The following GOLGB1 variants were observed in gnomAD, a reference collection of about 807,000 sequenced individuals.
The protein encoded by GOLGB1 is golgin B1.
Under a neutral mutation model 336.9 loss-of-function variants are expected in GOLGB1, and 174 were observed. The observed-to-expected ratio is 0.52, with a 90% CI of 0.46 to 0.59. The LOEUF (loss-of-function observed/expected upper bound fraction) is 0.59. Ranked by LOEUF, GOLGB1 falls within the 20% of genes least tolerant of loss-of-function variation. GOLGB1 has a pLI of 0.00. For synonymous variants in GOLGB1, 1,208 were observed against 1,289.2 expected, an observed-to-expected ratio of 0.94 and a Z score of 1.35; for missense variants, 3,331 against 3,645.3, an observed-to-expected ratio of 0.91 and a Z score of 2.22.
intron 15 of GOLGB1, among the ~76,000 whole-genome samples, chr3:121,679,272 A>C (rs1401588859): frequency 3.4e-4 from 52 of 152,216 alleles, no homozygotes; most frequent in Non-Finnish European, 4.4e-5. Context: ...TCCGCAATCC[A>C]AAACACTTCC....
chr3:121,701,768 AG>A (rs1943430611), intron 11 of GOLGB1, among the ~76,000 whole-genome samples: 1 of 152,122 alleles, frequency 6.6e-6, no homozygotes, highest in South Asian at 2.1e-4. Flanking sequence ...GGTAAAGCAA[AG>A]ATGGAAAAAA....
At chr3:121,675,718 T>G (rs1215134163) in intron 17 of GOLGB1, among the ~76,000 whole-genome samples, 1 of 152,238 alleles carries the variant, frequency 6.6e-6, no homozygotes. Flanking sequence ...GCTGTACTTA[T>G]GATTTGTTTA....
At chr3:121,717,360 C>T (rs561879113) in intron 8 of GOLGB1, among the ~76,000 whole-genome samples, 1 of 152,204 alleles carries the variant, frequency 6.6e-6, no homozygotes, top group African/African-American at 2.4e-5. Flanking sequence ...AGAATGTGGA[C>T]TATAGCACCA....
intron 1 of GOLGB1, among the ~76,000 whole-genome samples, chr3:121,741,593 T>C (rs975657319): frequency 1.3e-5 from 2 of 152,312 alleles, no homozygotes; most frequent in Admixed American, 6.5e-5. Flanking sequence ...TAATTATGGA[T>C]ACACTAATTC....
intron 1 of GOLGB1, among the ~76,000 whole-genome samples, chr3:121,746,677 A>G (rs1479243246): frequency 6.6e-6 from 1 of 152,068 alleles, no homozygotes; most frequent in Non-Finnish European, 1.5e-5. Flanking sequence ...CAGGGGTTTC[A>G]CCATGTTGGC....
intron 11 of GOLGB1, among the ~76,000 whole-genome samples, chr3:121,700,990 A>G (rs951188499): frequency 7.2e-5 from 11 of 152,186 alleles, no homozygotes; most frequent in Non-Finnish European, 4.4e-5. Context: ...AGCAACTGGA[A>G]TAGTGCCTGG....
At chr3:121,720,206 T>C (rs1026610946) in intron 6 of GOLGB1, among the ~76,000 whole-genome samples, 1 of 152,202 alleles carries the variant, frequency 6.6e-6, no homozygotes, top group East Asian at 1.9e-4. Context: ...AACTAACATA[T>C]CATTTATTCA....
At chr3:121,675,356 G>A (rs1169097293) in intron 17 of GOLGB1, among the ~76,000 whole-genome samples, 2 of 152,010 alleles carry the variant, frequency 1.3e-5, no homozygotes, top group African/African-American at 4.8e-5. Context: ...TATTACATAC[G>A]TGTTTTTACC....
chr3:121,710,123 A>G (rs2108029625), intron 10 of GOLGB1, among the ~76,000 whole-genome samples: 1 of 150,984 alleles, frequency 6.6e-6, no homozygotes, highest in East Asian at 1.9e-4. Flanking sequence ...AAAAAATCTT[A>G]TTATTAGCCT....
chr3:121,673,276 C>T (rs1207567488), intron 17 of GOLGB1, among the ~76,000 whole-genome samples: 4 of 152,120 alleles, frequency 2.6e-5, no homozygotes, highest in African/African-American at 9.7e-5. Context: ...ACCATGTTGG[C>T]CAGGATGGTC....
chr3:121,682,703 C>T (rs1941217759), intron 14 of GOLGB1, among the ~76,000 whole-genome samples: 1 of 152,184 alleles, frequency 6.6e-6, no homozygotes. Context: ...TCACATACCT[C>T]TTTCACCCAC....
intron 6 of GOLGB1, 140 bp downstream of exon 6, chr3:121,722,122 T>C (rs1191303999): frequency 1.7e-6 from 1 of 596,984 alleles, no homozygotes; most frequent in African/African-American, 1.9e-5. Context: ...CTACTACATA[T>C]CCTTCTAATT....
Position 121,691,545 on chromosome 3 carries a change from T to A in GOLGB1, c.7819A>T (p.Lys2607Ter). 1 of 1,612,960 alleles carries A rather than the reference T, an allele frequency of 6.2e-7. No homozygotes were observed. The highest frequency in any genetic ancestry group is 8.5e-7 in the Non-Finnish European group (1 of 1,179,720). ...GATACTTTCAAACTCTCAATCTCTT[T>A]AGATAAATCTTGTTTCTCTTCTTGT... The part of the protein sequence containing the change: ...ALQEEKQDLS[K>*]EIESLKVSIS... Residue 2607 changes from lysine to a stop codon, truncating the protein, a stop_gained, in exon 14 of 22, where the codon AAA becomes TAA. Transcript: ENST00000614479. LOFTEE classifies it high-confidence loss of function.
intron 14 of GOLGB1, among the ~76,000 whole-genome samples, chr3:121,687,149 C>T (rs780268049): frequency 1.3e-5 from 2 of 152,072 alleles, no homozygotes; most frequent in East Asian, 1.9e-4. Context: ...GTAGTCCCAG[C>T]TACTTGGGAG....
chr3:121,665,288 T>A (rs1320752334), intron 20 of GOLGB1, among the ~76,000 whole-genome samples: 1 of 152,212 alleles, frequency 6.6e-6, no homozygotes, highest in Non-Finnish European at 1.5e-5. Context: ...GTGCTTTACA[T>A]ACATTTAATC....
chr3:121,714,799 C>T (rs946608796), intron 10 of GOLGB1, 62 bp downstream of exon 10: 6 of 1,055,998 alleles, frequency 5.7e-6, no homozygotes, highest in South Asian at 1.3e-5. Context: ...CATTAGAGCA[C>T]CGAAGTACAG....
intron 5 of GOLGB1, among the ~76,000 whole-genome samples, chr3:121,726,219 G>C (rs1056142057): frequency 6.6e-6 from 1 of 151,320 alleles, no homozygotes; most frequent in Non-Finnish European, 1.5e-5. Context: ...GATCACTTGA[G>C]GTCAGGAGTT....
chr3:121,737,765 T>C (rs559177233), intron 1 of GOLGB1, among the ~76,000 whole-genome samples: 2 of 152,198 alleles, frequency 1.3e-5, no homozygotes, highest in African/African-American at 4.8e-5. Context: ...AATAATAGTG[T>C]TTAGGGCAGC....
chr3:121,730,631 C>A (rs1009268068), intron 2 of GOLGB1, among the ~76,000 whole-genome samples: 7 of 152,210 alleles, frequency 4.6e-5, no homozygotes, highest in Non-Finnish European at 7.3e-5. Flanking sequence ...TGGCACCAAA[C>A]AAGGCCCAGG....
Sources: gnomAD v4.1 joint callset for allele counts (sites outside exome capture counted in the v4.1 genomes callset) on GRCh38, gnomAD v4.1.1 for gene constraint, MANE v1.5 for transcripts, NCBI Gene and HGNC (gene_info 2026-07-23, HGNC 2026-07-21) for gene names.